The following MICA variants were observed in gnomAD, a reference collection of about 807,000 sequenced individuals.
The protein encoded by MICA is MHC class I polypeptide-related sequence A.
A neutral mutation model predicts 34.3 loss-of-function variants in MICA; 18 were observed. That is an observed-to-expected ratio of 0.52 (90% CI 0.36 to 0.78). The LOEUF (loss-of-function observed/expected upper bound fraction) is 0.78, where lower values mean the gene tolerates loss of function less well. Among genes scored for constraint, MICA ranks in the 30% least tolerant of loss-of-function variants. The pLI is 0.00. For synonymous variants in MICA, 135 were observed against 156.9 expected, an observed-to-expected ratio of 0.86 and a Z score of 1.04; for missense variants, 333 against 409.4, an observed-to-expected ratio of 0.81 and a Z score of 1.61.
rs1183521418 is a variant in MICA at position 31,414,988 on chromosome 6, T to C, written c.*30-24T>C. On this transcript the variant is annotated intron_variant, in intron 5 of 5. Coordinates refer to ENST00000449934, the MANE Select transcript of MICA (RefSeq NM_001177519.3). ...ACAACACTGCACCCAGTGGAGCATT[T>C]ACCCATTTCCCTCTTTTCTCCAGAG... 6 of 1,476,304 alleles carry C rather than the reference T, an allele frequency of 4.1e-6. 1 individual carries two copies. Among genetic ancestry groups the C allele is most frequent in the Non-Finnish European group, 5.6e-6 (6 of 1,067,140 alleles). 91.5% of individuals were successfully genotyped at this position (1,476,304 alleles called of 1,614,324 possible).
At chr6:31,403,458 T>G, upstream of MICA, 1 of 548,074 alleles carries the variant, frequency 1.8e-6, no homozygotes. The surrounding 1 kb of genome is among the most constrained non-coding windows in gnomAD (Gnocchi z 4.7). Context: ...TCCAGCCCAC[T>G]GGAATTTTCT....
chr6:31,414,985 A>C, intron 5 of MICA, 27 bp from the exon 6 acceptor site: 1 of 1,471,270 alleles, frequency 6.8e-7, no homozygotes, highest in East Asian at 2.4e-5. Context: ...CCAGTGGAGC[A>C]TTTACCCATT....
At position 31,412,060 on chromosome 6, in the gene MICA, G is replaced by C. The variant is rs1384102922; in HGVS notation, c.727G>C (p.Gly243Arg). 6.2e-7 allele frequency: 1 copy of C among 1,613,152 alleles called. No individual in the cohort carries two copies. The highest frequency in any genetic ancestry group is 1.3e-5 in the African/African-American group (1 of 74,822). ...RNIILTWRQD[G>R]VSLSHDTQQW... ...TATCATACTGACCTGGCGTCAGGAT[G>C]GGGTATCTTTGAGCCACGACACCCA... The change falls in exon 4 of 6, where the codon GGG becomes CGG. Residue 243 changes from glycine (G) to arginine (R), a missense_variant. By Grantham distance (125) the Gly-to-Arg change is moderately radical. Coordinates refer to ENST00000449934, the MANE Select transcript of MICA (RefSeq NM_001177519.3).
chr6:31,410,094 C>T (rs912974148), intron 1 of MICA, among the ~76,000 whole-genome samples: 38 of 150,038 alleles, frequency 2.5e-4, no homozygotes, highest in African/African-American at 9.2e-4. Context: ...TGATGAGTCT[C>T]TTCTCGAGGC....
chr6:31,412,931 C>T lies in MICA; in HGVS notation c.*29+471C>T, dbSNP rs575240408. ...CCCCTATTCCCTTCCTCTCTGCATCCCCCTCCCCTGTTTCTCCAGCCATCG... is the reference window on the plus strand; with the variant it reads ...CCCCTATTCCCTTCCTCTCTGCATCTCCCTCCCCTGTTTCTCCAGCCATCG... On this transcript the variant is annotated intron_variant, in intron 5 of 5. Coordinates refer to ENST00000449934, the MANE Select transcript of MICA (RefSeq NM_001177519.3). 2.0e-3 allele frequency among the ~76,000 whole-genome samples: 306 copies of T among 151,916 alleles called. 4 individuals are homozygous for T. Among genetic ancestry groups the T allele is most frequent in the Middle Eastern group, 0.01 (3 of 294 alleles).
chr6:31,415,085 A>G lies in MICA; in HGVS notation c.*103A>G. 1 of 1,321,970 alleles carries G rather than the reference A, an allele frequency of 7.6e-7. No individual in the cohort carries two copies. Among genetic ancestry groups the G allele is most frequent in the Non-Finnish European group, 1.1e-6 (1 of 926,956 alleles). 81.9% of individuals were successfully genotyped at this position (1,321,970 alleles called of 1,614,324 possible). A position where few individuals can be genotyped will look rare whatever the true frequency, so the allele number is the denominator to read the frequency against. On this transcript the variant is annotated 3_prime_UTR_variant, in exon 6 of 6. Transcript: ENST00000449934. ...ACCACAGGGATGCCACACAGCTCGGATTTCAGCCTCTGATGTCAGCTCTTG... is the reference window on the plus strand; with the variant it reads ...ACCACAGGGATGCCACACAGCTCGGGTTTCAGCCTCTGATGTCAGCTCTTG...
chr6:31,403,575 G>C (rs1770562185), upstream of MICA: 1 of 1,393,316 alleles, frequency 7.2e-7, no homozygotes, highest in African/African-American at 1.5e-5. The surrounding 1 kb of genome is among the most constrained non-coding windows in gnomAD (Gnocchi z 4.7). Flanking sequence ...CTAAGTTTCC[G>C]CGGCGCCTTC....
intron 1 of MICA, among the ~76,000 whole-genome samples, chr6:31,410,123 C>T (rs1394175550): frequency 8.8e-6 from 1 of 113,676 alleles, no homozygotes; most frequent in Non-Finnish European, 1.7e-5. Context: ...TTGCCTCCAT[C>T]TCACCCTCAG....
chr6:31,409,942 T>C (rs2523496), intron 1 of MICA, among the ~76,000 whole-genome samples: 88,975 of 150,508 alleles, frequency 0.59, 27,513 homozygotes, highest in Admixed American at 0.72. Flanking sequence ...CTTGTCATGC[T>C]ACTCTTCCAC....
At chr6:31,405,316 T>C (rs866872029) in intron 1 of MICA, among the ~76,000 whole-genome samples, 53 of 151,274 alleles carry the variant, frequency 3.5e-4, no homozygotes, top group Middle Eastern at 3.4e-3. Flanking sequence ...CCCTCCAGCA[T>C]TACTCCTTTT....
intron 1 of MICA, among the ~76,000 whole-genome samples, chr6:31,408,962 GCCAC>G (rs1301914586): frequency 6.6e-6 from 1 of 150,906 alleles, no homozygotes; most frequent in Non-Finnish European, 1.5e-5. Context: ...CTGAGATCAG[GCCAC>G]TGCACTCCAG....
chr6:31,411,139 G>C lies in MICA; in HGVS notation c.393G>C (p.Gln131His), dbSNP rs761453958. Residue 131 changes from glutamine (Q) to histidine (H), a missense_variant, in exon 3 of 6, where the codon CAG (glutamine) becomes CAC (histidine). Transcript: ENST00000449934. This position sits in a 1 kb window ranked among gnomAD's most constrained non-coding sequence, Gnocchi z 4.3. ...IHEDNSTRSS[Q>H]HFYYDGELFL... ...AAGACAACAGCACCAGGAGCTCCCA[G>C]CATTTCTACTACGATGGGGAGCTCT... 2 of 1,612,126 alleles carry C rather than the reference G, an allele frequency of 1.2e-6. No homozygotes were observed. The highest frequency in any genetic ancestry group is 2.2e-5 in the South Asian group (2 of 90,754).
At chr6:31,410,186 C>T (rs1162112727) in intron 1 of MICA, among the ~76,000 whole-genome samples, 9 of 151,890 alleles carry the variant, frequency 5.9e-5, no homozygotes, top group Non-Finnish European at 1.3e-4. Context: ...TGAGTCCCTT[C>T]CCATTCCCAC....
Position 31,411,647 on chromosome 6 carries a change from C to A in MICA, c.613+288C>A, listed in dbSNP as rs9266810. Among the ~76,000 whole-genome samples the A allele has an allele frequency of 0.013, 1,921 of 151,856 alleles. 38 individuals carry two copies. Among genetic ancestry groups the A allele is most frequent in the African/African-American group, 0.02 (830 of 41,314 alleles). On this transcript the variant is annotated intron_variant, in intron 3 of 5. Coordinates refer to ENST00000449934, the MANE Select transcript of MICA (RefSeq NM_001177519.3). This position sits in a 1 kb window ranked among gnomAD's most constrained non-coding sequence, Gnocchi z 4.3. ...GAAGCCTTCAGGGCCAGGGCTGCCC[C>A]CTCTGCCTCCCAGCCTGCCCATCCT...
At chr6:31,406,467 G>A (rs911800861) in intron 1 of MICA, among the ~76,000 whole-genome samples, 5 of 151,630 alleles carry the variant, frequency 3.3e-5, no homozygotes, top group Admixed American at 2.6e-4. Flanking sequence ...TCCTTTGTCA[G>A]ATGAATAGTT....
chr6:31,408,660 A>C (rs112630608), intron 1 of MICA, among the ~76,000 whole-genome samples: 8,998 of 151,914 alleles, frequency 0.059, 358 homozygotes, highest in Middle Eastern at 0.082. Context: ...TCATTTAAGC[A>C]GAATCATGTA....
At position 31,411,279 on chromosome 6, in the gene MICA, C is replaced by T. The variant is rs760585199; in HGVS notation, c.533C>T (p.Thr178Ile). 3 of 1,610,190 alleles carry T rather than the reference C, an allele frequency of 1.9e-6. No individual in the cohort carries two copies. The highest frequency in any genetic ancestry group is 4.5e-5 in the East Asian group (2 of 44,732). ...FLKEDAMKTKTHYHAMHADCL... is the reference protein window; with the variant it reads ...FLKEDAMKTKIHYHAMHADCL... ...AAGGAAGATGCCATGAAGACCAAGA[C>T]ACACTATCACGCTATGCATGCAGAC... is the stretch of plus-strand genomic sequence containing the variant. The change falls in exon 3 of 6, where the codon ACA (threonine) becomes ATA (isoleucine). Residue 178 changes from threonine to isoleucine, a missense_variant. Thr to Ile is a moderately conservative substitution (Grantham distance 89). Coordinates refer to ENST00000449934, the MANE Select transcript of MICA (RefSeq NM_001177519.3). This position sits in a 1 kb window ranked among gnomAD's most constrained non-coding sequence, Gnocchi z 4.3.
chr6:31,409,469 A>C (rs1475950409), intron 1 of MICA, among the ~76,000 whole-genome samples: 1 of 123,018 alleles, frequency 8.1e-6, no homozygotes, highest in Non-Finnish European at 1.9e-5. Context: ...TTCTTTGAAG[A>C]ATTGGCCATT....
chr6:31,406,569 ATTTATGCAAT>A (rs1770762038), intron 1 of MICA, among the ~76,000 whole-genome samples: 1 of 151,724 alleles, frequency 6.6e-6, no homozygotes, highest in African/African-American at 2.4e-5. Flanking sequence ...ATATGATCCC[ATTTATGCAAT>A]TTTACTTTGG....
Sources: allele counts gnomAD v4.1 joint callset (sites outside exome capture counted in the v4.1 genomes callset), GRCh38; gene constraint gnomAD v4.1.1; non-coding constraint Gnocchi (gnomAD v3.1); transcripts MANE v1.5; gene names NCBI Gene and HGNC (gene_info 2026-07-23, HGNC 2026-07-21).